The following ZNF25 variants were observed in gnomAD, a reference collection of about 807,000 sequenced individuals.
The protein encoded by ZNF25 is zinc finger protein 25, also known as zinc finger protein 25 (KOX 19).
In ZNF25, 21 loss-of-function variants were observed where a neutral mutation model predicts 30.9. The observed-to-expected ratio is 0.68, with a 90% CI of 0.48 to 0.98. ZNF25 has a LOEUF of 0.98. ZNF25 is among the 50% of genes least tolerant of loss of function. The pLI, the probability that ZNF25 is intolerant of heterozygous loss-of-function variation, is 0.00. For synonymous variants in ZNF25, 169 were observed against 181.3 expected, an observed-to-expected ratio of 0.93 and a Z score of 0.55; for missense variants, 501 against 529.9, an observed-to-expected ratio of 0.95 and a Z score of 0.54.
At chr10:37,974,159 G>T (rs1014417950) in intron 1 of ZNF25, among the ~76,000 whole-genome samples, 2 of 152,124 alleles carry the variant, frequency 1.3e-5, no homozygotes, top group African/African-American at 4.8e-5. Context: ...TGTATGACCT[G>T]AAACTATGAA....
intron 2 of ZNF25, among the ~76,000 whole-genome samples, chr10:37,958,426 CAT>C (rs1159957195): frequency 2.0e-5 from 3 of 151,988 alleles, no homozygotes; most frequent in African/African-American, 7.2e-5. Context: ...AGGTATATAC[CAT>C]AGGTTGGTAG....
chr10:37,969,179 G>T (rs141254534), intron 2 of ZNF25, among the ~76,000 whole-genome samples: 53 of 152,292 alleles, frequency 3.5e-4, no homozygotes, highest in Non-Finnish European at 4.9e-4. Context: ...TTGCTAATGG[G>T]AATGTAAAAC....
chr10:37,973,118 AG>A (rs1415723451), intron 1 of ZNF25, among the ~76,000 whole-genome samples: 2 of 151,806 alleles, frequency 1.3e-5, no homozygotes, highest in Admixed American at 1.3e-4. Context: ...CAGTGAGCCA[AG>A]ATCATGCCAC....
intron 5 of ZNF25, 54 bp downstream of exon 5, chr10:37,953,641 T>A: frequency 6.4e-7 from 1 of 1,562,906 alleles, no homozygotes; most frequent in Non-Finnish European, 8.8e-7. Context: ...TAGTAACTCC[T>A]TTAAGACTCT....
intron 1 of ZNF25, among the ~76,000 whole-genome samples, chr10:37,974,153 T>C (rs574948105): frequency 1.3e-5 from 2 of 152,342 alleles, no homozygotes; most frequent in African/African-American, 4.8e-5. Flanking sequence ...GTTAAATGTA[T>C]GACCTGAAAC....
intron 2 of ZNF25, among the ~76,000 whole-genome samples, chr10:37,963,867 T>C (rs952949329): frequency 7.2e-5 from 11 of 152,128 alleles, no homozygotes; most frequent in African/African-American, 2.7e-4. Flanking sequence ...CTCAACTACT[T>C]GGGAAGCTGA....
chr10:37,967,305 G>T (rs2063237104), intron 2 of ZNF25, among the ~76,000 whole-genome samples: 1 of 152,162 alleles, frequency 6.6e-6, no homozygotes, highest in African/African-American at 2.4e-5. Flanking sequence ...AAAACTTACT[G>T]CAAAGCTGCA....
chr10:37,971,657 A>ACG, intron 2 of ZNF25, 51 bp downstream of exon 2: 1 of 1,611,804 alleles, frequency 6.2e-7, no homozygotes, highest in South Asian at 1.1e-5. Flanking sequence ...ACACACACAC[A>ACG]CACACACACA....
chr10:37,969,397 C>A (rs1357895670), intron 2 of ZNF25, among the ~76,000 whole-genome samples: 1 of 152,166 alleles, frequency 6.6e-6, no homozygotes, highest in African/African-American at 2.4e-5. Flanking sequence ...AATGGATAAA[C>A]AAATTGTGGT....
At position 37,952,393 on chromosome 10, in the gene ZNF25, G is replaced by A; in HGVS notation, c.1105C>T (p.Pro369Ser). 1.2e-6 allele frequency: 2 copies of A among 1,614,094 alleles called. No homozygotes were observed. Among genetic ancestry groups the A allele is most frequent in the South Asian group, 2.2e-5 (2 of 91,076 alleles). ...KHQRKHTGEK[P>S]YECTECGKSF... ...TTGCCACATTCTGTGCATTCATAGG[G>A]CTTCTCCCCTGTGTGTTTTCTCTGA... Residue 369 changes from proline (P) to serine (S), a missense_variant, in exon 6 of 6, where the codon CCC becomes TCC. Coordinates refer to ENST00000302609, the MANE Select transcript of ZNF25 (RefSeq NM_145011.4).
chr10:37,953,304 G>T, intron 5 of ZNF25, 109 bp from the exon 6 acceptor site: 1 of 995,108 alleles, frequency 1.0e-6, no homozygotes, highest in Non-Finnish European at 1.5e-6. Context: ...GATTTCTAGA[G>T]ATGTTCCCAT....
chr10:37,973,478 G>A (rs1168487800), intron 1 of ZNF25, among the ~76,000 whole-genome samples: 1 of 151,184 alleles, frequency 6.6e-6, no homozygotes, highest in East Asian at 2.0e-4. Context: ...AATTACACAG[G>A]TATGGTGGTG....
At chr10:37,954,722 C>A (rs568225854) in intron 4 of ZNF25, among the ~76,000 whole-genome samples, 1 of 152,266 alleles carries the variant, frequency 6.6e-6, no homozygotes, top group Admixed American at 6.5e-5. Context: ...ATTTATGCAT[C>A]TTTAAATGCA....
chr10:37,959,272 T>C (rs55961636), intron 2 of ZNF25, among the ~76,000 whole-genome samples: 7 of 152,166 alleles, frequency 4.6e-5, no homozygotes, highest in Non-Finnish European at 8.8e-5. Context: ...AATTTTAATA[T>C]AGAGGTGGCA....
rs2062175842 is a variant in ZNF25 at position 37,952,152 on chromosome 10, G to A, written c.1346C>T (p.Thr449Ile). The stretch of plus-strand genomic sequence containing the variant: ...TTACTTCTCAGCATTCCTCTTCTTT[G>A]TGTGTGTCTTCTGATGTGCAGTGAG... ...SQLTAHQKTH[T>I]KKRNAEK The change falls in exon 6 of 6, where the codon ACA becomes ATA. Residue 449 changes from threonine to isoleucine, a missense_variant. By Grantham distance (89) the Thr-to-Ile change is moderately conservative. Coordinates refer to ENST00000302609, the MANE Select transcript of ZNF25 (RefSeq NM_145011.4). 1.3e-6 allele frequency: 2 copies of A among 1,577,268 alleles called. No individual in the cohort carries two copies. Among genetic ancestry groups the A allele is most frequent in the South Asian group, 2.3e-5 (2 of 85,504 alleles).
At chr10:37,967,330 G>T (rs2063238374) in intron 2 of ZNF25, among the ~76,000 whole-genome samples, 1 of 152,152 alleles carries the variant, frequency 6.6e-6, no homozygotes, top group Non-Finnish European at 1.5e-5. Flanking sequence ...TCAAAACAGT[G>T]AGGTACTGGC....
In ZNF25 at chr10:37,972,448, C is replaced by G. The variant is rs566777796; in HGVS notation, c.-85-641G>C. 5.0e-4 allele frequency among the ~76,000 whole-genome samples: 76 copies of G among 152,246 alleles called. 2 individuals carry two copies. Among genetic ancestry groups the G allele is most frequent in the South Asian group, 4.4e-3 (21 of 4,818 alleles). ...ATAATCTTGCACAACCCTTCATGTA[C>G]CATTCTACTTCTATATATCTTCACC... On this transcript the variant is annotated intron_variant, in intron 1 of 5. Transcript: ENST00000302609.
chr10:37,976,133 A>G (rs2063795174), intron 1 of ZNF25, among the ~76,000 whole-genome samples: 2 of 152,208 alleles, frequency 1.3e-5, no homozygotes, highest in South Asian at 4.1e-4. Context: ...AAAGGCCCCC[A>G]TCATTTGCCA....
chr10:37,967,728 C>T (rs1439858501), intron 2 of ZNF25, among the ~76,000 whole-genome samples: 1 of 152,086 alleles, frequency 6.6e-6, no homozygotes, highest in East Asian at 1.9e-4. Context: ...TTCAACGAGG[C>T]TGTCAAGACC....
Sources: gnomAD v4.1 joint callset for allele counts (sites outside exome capture counted in the v4.1 genomes callset) on GRCh38, gnomAD v4.1.1 for gene constraint, MANE v1.5 for transcripts, NCBI Gene and HGNC (gene_info 2026-07-23, HGNC 2026-07-21) for gene names.